LARP4B: variants seen among roughly 807,000 people sequenced by gnomAD.
The protein encoded by LARP4B is La ribonucleoprotein 4B, also known as la-related protein 4B.
Under a neutral mutation model 89.8 loss-of-function variants are expected in LARP4B, and 12 were observed. That is an observed-to-expected ratio of 0.13 (90% CI 0.09 to 0.22). The LOEUF is 0.22. LARP4B is among the 10% of genes least tolerant of loss of function. LARP4B has a pLI of 1.00. For synonymous variants in LARP4B, 367 were observed against 363.3 expected (o/e 1.01, Z -0.12); for missense variants, 757 against 947.7 (o/e 0.80, Z 2.64).
chr10:878,764 T>C (rs1380239437), intron 3 of LARP4B, among the ~76,000 whole-genome samples: 1 of 152,224 alleles, frequency 6.6e-6, no homozygotes, highest in Non-Finnish European at 1.5e-5. Context: ...TCAGTACAAC[T>C]GTTTGCATGG....
Position 810,995 on chromosome 10 carries a change from AC to A in LARP4B, c.*1930del, listed in dbSNP as rs1007770976. ...GGTGATTTAAATTAGATTACTAGTC[AC>A]CTTCACTTACGATCCTGCCAGTTTT... On this transcript the variant is annotated 3_prime_UTR_variant, in exon 18 of 18. Coordinates refer to ENST00000316157, the MANE Select transcript of LARP4B (RefSeq NM_015155.3). The A allele has an allele frequency of 1.6e-4, 25 of 152,342 alleles. No individual in the cohort carries two copies. Among genetic ancestry groups the A allele is most frequent in the African/African-American group, 6.0e-4 (25 of 41,574 alleles). The allele number at this position is 152,342 out of a possible 1,614,324, so 9.4% of individuals were successfully genotyped here. A position where few individuals can be genotyped will look rare whatever the true frequency, so the allele number is the denominator to read the frequency against.
At chr10:893,856 G>A (rs1399493749) in intron 1 of LARP4B, among the ~76,000 whole-genome samples, 1 of 152,154 alleles carries the variant, frequency 6.6e-6, no homozygotes, top group Middle Eastern at 3.2e-3. Context: ...GCAATCATGA[G>A]AGCTACCACC....
At position 830,904 on chromosome 10, in the gene LARP4B, C is replaced by T; in HGVS notation, c.824G>A (p.Trp275Ter). Reference sequence around the variant, plus strand: ...AGCTTCTGTTTCAAATGTAATAAACCAATTATCATTATATGCAAATTCACA... The same window carrying T: ...AGCTTCTGTTTCAAATGTAATAAACTAATTATCATTATATGCAAATTCACA... ...INCEFAYNDN[W>*]FITFETEADA... The change falls in exon 9 of 18, where the codon TGG becomes TAG. Residue 275 changes from tryptophan to a stop codon, truncating the protein, a stop_gained. Coordinates refer to ENST00000316157, the MANE Select transcript of LARP4B (RefSeq NM_015155.3). LOFTEE classifies it high-confidence loss of function. 1 of 1,430,934 alleles carries T rather than the reference C, an allele frequency of 7.0e-7. No individual in the cohort carries two copies. Among genetic ancestry groups the T allele is most frequent in the Non-Finnish European group, 9.8e-7 (1 of 1,018,508 alleles). 88.6% of individuals were successfully genotyped at this position (1,430,934 alleles called of 1,614,324 possible).
chr10:897,699 A>G (rs535594958), intron 1 of LARP4B, among the ~76,000 whole-genome samples: 2 of 152,296 alleles, frequency 1.3e-5, no homozygotes, highest in East Asian at 3.9e-4. Context: ...AAAAATTGGC[A>G]AATGAGAGCC....
At chr10:836,991 G>A (rs1036906336) in intron 7 of LARP4B, among the ~76,000 whole-genome samples, 4 of 152,170 alleles carry the variant, frequency 2.6e-5, no homozygotes, top group African/African-American at 4.8e-5. Flanking sequence ...TACGCAATGC[G>A]CAGATTCGAG....
intron 1 of LARP4B, among the ~76,000 whole-genome samples, chr10:913,554 G>A (rs1018642730): frequency 6.6e-6 from 1 of 152,180 alleles, no homozygotes; most frequent in Non-Finnish European, 1.5e-5. Flanking sequence ...TAACTCTAGG[G>A]TTTCACAGGC....
chr10:880,722 G>A (rs1199467372), intron 3 of LARP4B, among the ~76,000 whole-genome samples: 1 of 151,970 alleles, frequency 6.6e-6, no homozygotes, highest in Non-Finnish European at 1.5e-5. Flanking sequence ...TAGATGTTTT[G>A]CTGAATTGTA....
intron 1 of LARP4B, among the ~76,000 whole-genome samples, chr10:892,705 A>G (rs1187459941): frequency 6.6e-6 from 1 of 151,502 alleles, no homozygotes; most frequent in African/African-American, 2.4e-5. Context: ...ACACCCAGCT[A>G]ATTTTTTGTA....
the LARP4B span, chr10:972,347 C>T: frequency 7.6e-6 from 3 of 396,402 alleles, no homozygotes; most frequent in Admixed American, 9.5e-5. Context: ...CTCTTGCACC[C>T]ACTTCCACCA....
downstream of LARP4B, chr10:807,440 C>G (rs985936834): frequency 5.3e-5 from 8 of 152,298 alleles, no homozygotes; most frequent in East Asian, 1.5e-3. Flanking sequence ...CACAGGCCCA[C>G]GCAGAGGTGA....
intron 1 of LARP4B, among the ~76,000 whole-genome samples, chr10:921,534 G>T (rs1179976026): frequency 6.6e-6 from 1 of 152,112 alleles, no homozygotes; most frequent in African/African-American, 2.4e-5. Context: ...CTACCACAAT[G>T]ACCAACACAC....
intron 1 of LARP4B, among the ~76,000 whole-genome samples, chr10:886,132 T>C (rs1835850331): frequency 6.6e-6 from 1 of 151,912 alleles, no homozygotes; most frequent in Admixed American, 6.6e-5. Flanking sequence ...AATAAATAAA[T>C]AAATAACCTG....
At chr10:905,055 C>A (rs542872196) in intron 1 of LARP4B, among the ~76,000 whole-genome samples, 1 of 152,198 alleles carries the variant, frequency 6.6e-6, no homozygotes, top group Non-Finnish European at 1.5e-5. Flanking sequence ...TGTTTAGACT[C>A]GGATCCCATC....
At chr10:831,030 C>T (rs2131665636) in intron 8 of LARP4B, 53 bp from the exon 9 acceptor site, 1 of 753,328 alleles carries the variant, frequency 1.3e-6, no homozygotes, top group Non-Finnish European at 2.2e-6. Context: ...CAGTTTTTGT[C>T]CTCACCAAAA....
chr10:858,127 A>T (rs1156318456), intron 5 of LARP4B, among the ~76,000 whole-genome samples: 1 of 152,196 alleles, frequency 6.6e-6, no homozygotes, highest in Admixed American at 6.5e-5. Context: ...GTTGGTTAAC[A>T]ATGAGGGCTC....
intron 5 of LARP4B, among the ~76,000 whole-genome samples, chr10:851,431 G>A (rs997396280): frequency 3.9e-5 from 6 of 152,034 alleles, no homozygotes; most frequent in Non-Finnish European, 8.8e-5. Flanking sequence ...TGATCTGCCC[G>A]CCTCGGCCTC....
At chr10:958,051 C>T in the LARP4B span, among the ~76,000 whole-genome samples, 1 of 152,174 alleles carries the variant, frequency 6.6e-6, no homozygotes, top group African/African-American at 2.4e-5. Flanking sequence ...TCTGCCTCAG[C>T]CTCCCAGAGT....
chr10:904,554 G>A (rs1836436446), intron 1 of LARP4B, among the ~76,000 whole-genome samples: 2 of 151,436 alleles, frequency 1.3e-5, no homozygotes, highest in Admixed American at 1.3e-4. Flanking sequence ...GAGGAAGACT[G>A]TCTCAAAATA....
the LARP4B span, among the ~76,000 whole-genome samples, chr10:939,816 T>A: frequency 1.6e-4 from 24 of 152,178 alleles, no homozygotes; most frequent in African/African-American, 4.8e-4. Context: ...ACATTGTTTT[T>A]AATCCAACAT....
Sources: gnomAD v4.1 joint callset for allele counts (sites outside exome capture counted in the v4.1 genomes callset) on GRCh38, gnomAD v4.1.1 for gene constraint, MANE v1.5 for transcripts, NCBI Gene and HGNC (gene_info 2026-07-23, HGNC 2026-07-21) for gene names.